Variants in BACE2 observed in about 807,000 individuals in gnomAD.
The protein encoded by BACE2 is beta-secretase 2.
A neutral mutation model predicts 46.2 loss-of-function variants in BACE2; 17 were observed. That is an observed-to-expected ratio of 0.37 (90% CI 0.25 to 0.55). The LOEUF (loss-of-function observed/expected upper bound fraction) is 0.55, where lower values mean the gene tolerates loss of function less well. Among genes scored for constraint, BACE2 ranks in the 20% least tolerant of loss-of-function variants. The pLI is 0.82. For missense variants in BACE2, 595 were observed against 698.1 expected (o/e 0.85, Z 1.66); for synonymous variants, 277 against 295.9 (o/e 0.94, Z 0.66).
chr21:41,195,885 A>T (rs577637654), intron 1 of BACE2, among the ~76,000 whole-genome samples: 2 of 152,378 alleles, frequency 1.3e-5, no homozygotes, highest in South Asian at 2.1e-4. Flanking sequence ...AAGCAGTTGT[A>T]TGGCAAGAGA....
chr21:41,195,367 G>C (rs1022975164), intron 1 of BACE2, among the ~76,000 whole-genome samples: 1 of 152,260 alleles, frequency 6.6e-6, no homozygotes, highest in African/African-American at 2.4e-5. Context: ...CTGCAGATGG[G>C]AGATGTCCAG....
At chr21:41,231,190 G>C (rs1986959152) in intron 2 of BACE2, among the ~76,000 whole-genome samples, 1 of 152,216 alleles carries the variant, frequency 6.6e-6, no homozygotes, top group Non-Finnish European at 1.5e-5. Flanking sequence ...CATTTGCCTA[G>C]TAGAAGGGGA....
intron 6 of BACE2, among the ~76,000 whole-genome samples, chr21:41,250,289 A>G (rs762360812): frequency 1.4e-4 from 21 of 152,208 alleles, no homozygotes; most frequent in Non-Finnish European, 2.8e-4. Flanking sequence ...GCTCTGCACC[A>G]GGAGGCAACT....
At chr21:41,260,115 A>G (rs1987896268) in intron 8 of BACE2, among the ~76,000 whole-genome samples, 1 of 149,874 alleles carries the variant, frequency 6.7e-6, no homozygotes, top group African/African-American at 2.5e-5. Context: ...CTAGGTTTAC[A>G]AGCATATGCC....
intron 1 of BACE2, 90 bp from the exon 2 acceptor site, chr21:41,226,176 T>A: frequency 1.1e-6 from 1 of 942,606 alleles, no homozygotes; most frequent in Non-Finnish European, 1.7e-6. Flanking sequence ...TTATTCTTGC[T>A]ACTTAGTTTT....
At chr21:41,266,671 C>T (rs2123643825) in intron 8 of BACE2, among the ~76,000 whole-genome samples, 1 of 152,356 alleles carries the variant, frequency 6.6e-6, no homozygotes, top group East Asian at 1.9e-4. Context: ...CGGCTCCTTT[C>T]ACCAATGGGC....
intron 8 of BACE2, among the ~76,000 whole-genome samples, chr21:41,261,134 G>A (rs867765775): frequency 1.3e-5 from 2 of 152,102 alleles, no homozygotes; most frequent in African/African-American, 4.8e-5. Context: ...ACGTCTTTGT[G>A]TAGATGAATG....
chr21:41,187,769 G>A (rs182912836), intron 1 of BACE2, among the ~76,000 whole-genome samples: 273 of 152,310 alleles, frequency 1.8e-3, no homozygotes, highest in African/African-American at 6.1e-3. Flanking sequence ...TTTGAGAGTT[G>A]AGTGCTCTGA....
intron 1 of BACE2, among the ~76,000 whole-genome samples, chr21:41,195,587 A>T (rs1227201722): frequency 2.0e-5 from 3 of 151,972 alleles, no homozygotes; most frequent in African/African-American, 7.3e-5. Context: ...TGCCCCTCAC[A>T]CCTCCATTCT....
At chr21:41,213,106 G>A (rs1986349762) in intron 1 of BACE2, among the ~76,000 whole-genome samples, 1 of 152,222 alleles carries the variant, frequency 6.6e-6, no homozygotes, top group Non-Finnish European at 1.5e-5. Context: ...CAAGTGATTA[G>A]TGAATTCCTA....
intron 1 of BACE2, among the ~76,000 whole-genome samples, chr21:41,206,877 TTAA>T (rs149202312): frequency 0.08 from 11,688 of 146,658 alleles, 1,462 homozygotes; most frequent in African/African-American, 0.3. Flanking sequence ...TTGCAGTAAC[TTAA>T]AAGTCTTGCC....
chr21:41,221,649 C>T (rs370840021), intron 1 of BACE2, among the ~76,000 whole-genome samples: 27 of 151,898 alleles, frequency 1.8e-4, no homozygotes, highest in Non-Finnish European at 7.4e-5. Flanking sequence ...CACGGTGAAA[C>T]CCCGTCTCTA....
chr21:41,233,501 C>CAA (rs1987024977), intron 2 of BACE2, among the ~76,000 whole-genome samples: 2 of 152,338 alleles, frequency 1.3e-5, no homozygotes, highest in South Asian at 4.1e-4. Context: ...AGGAGACCAG[C>CAA]AACCTGAGCA....
intron 1 of BACE2, among the ~76,000 whole-genome samples, chr21:41,190,452 A>G (rs979672497): frequency 1.3e-5 from 2 of 152,254 alleles, no homozygotes; most frequent in African/African-American, 2.4e-5. Flanking sequence ...TAGTACAAGT[A>G]TAAACATGCA....
chr21:41,220,692 T>C (rs1028960912), intron 1 of BACE2, among the ~76,000 whole-genome samples: 10 of 150,810 alleles, frequency 6.6e-5, no homozygotes, highest in Admixed American at 6.6e-4. Flanking sequence ...GATAATAAAT[T>C]ATTATATATA....
intron 1 of BACE2, among the ~76,000 whole-genome samples, chr21:41,174,131 T>C (rs1341228094): frequency 7.1e-6 from 1 of 140,304 alleles, no homozygotes; most frequent in Non-Finnish European, 1.5e-5. Context: ...GCTGTTGTGA[T>C]CAGTGGCCTT....
rs2088496783 is a variant in BACE2, at chr21:41,277,014, A to C, written c.*1390A>C. On this transcript the variant is annotated 3_prime_UTR_variant, in exon 9 of 9. Coordinates refer to ENST00000330333, the MANE Select transcript of BACE2 (RefSeq NM_012105.5). ...TAGCCTTATATGACCTGATGTCATT[A>C]GGAGAAGAGTTAAAAGACAGTATCC... is the stretch of plus-strand genomic sequence containing the variant. 1 of 152,096 alleles carries C rather than the reference A, an allele frequency of 6.6e-6. No homozygotes were observed. The highest frequency in any genetic ancestry group is 6.5e-5 in the Admixed American group (1 of 15,276). 9.4% of individuals were successfully genotyped at this position (152,096 alleles called of 1,614,324 possible).
chr21:41,179,091 G>A, intron 1 of BACE2: 1 of 1,194,434 alleles, frequency 8.4e-7, no homozygotes, highest in Non-Finnish European at 1.1e-6. Flanking sequence ...AGGAGTGAGG[G>A]TGTCAGGGTG....
Position 41,275,892 on chromosome 21 carries a change from TTC to T in BACE2, c.*269_*270del. The T allele has an allele frequency of 2.1e-6, 1 of 480,478 alleles. No individual in the cohort carries two copies. Among genetic ancestry groups the T allele is most frequent in the Non-Finnish European group, 3.7e-6 (1 of 269,586 alleles). 29.8% of individuals were successfully genotyped at this position (480,478 alleles called of 1,614,324 possible). A position where few individuals can be genotyped will look rare whatever the true frequency, so the allele number is the denominator to read the frequency against. ...GGATTGGGCTGCAGGCTCTATGGGG[TTC>T]GTTATGCCAAAGTGTCTACATGTGC... On this transcript the variant is annotated 3_prime_UTR_variant, in exon 9 of 9. Coordinates refer to ENST00000330333, the MANE Select transcript of BACE2 (RefSeq NM_012105.5).
Sources: allele counts gnomAD v4.1 joint callset (sites outside exome capture counted in the v4.1 genomes callset), GRCh38; gene constraint gnomAD v4.1.1; transcripts MANE v1.5; gene names NCBI Gene and HGNC (gene_info 2026-07-23, HGNC 2026-07-21).